Variants in SV2C observed in about 807,000 individuals in gnomAD.
SV2C encodes the protein synaptic vesicle glycoprotein 2C, also known as solute carrier family 22 member B3.
A neutral mutation model predicts 79.7 loss-of-function variants in SV2C; 49 were observed. The ratio of observed to expected loss-of-function variants is 0.61; its 90% CI spans 0.49 to 0.78. SV2C has a LOEUF of 0.78. SV2C is among the 30% of genes least tolerant of loss of function. The pLI, the probability that SV2C is intolerant of heterozygous loss-of-function variation, is 0.00. For synonymous variants in SV2C, 334 were observed against 333.2 expected, an observed-to-expected ratio of 1.00 and a Z score of -0.03; for missense variants, 833 against 912.9, an observed-to-expected ratio of 0.91 and a Z score of 1.13.
At chr5:76,231,058 G>A (rs1745403670) in intron 4 of SV2C, among the ~76,000 whole-genome samples, 1 of 152,194 alleles carries the variant, frequency 6.6e-6, no homozygotes, top group Admixed American at 6.5e-5. Context: ...CCCAGTGCAG[G>A]AACCTGCAGG....
intron 1 of SV2C, among the ~76,000 whole-genome samples, chr5:76,101,780 C>A (rs1244265880): frequency 6.6e-6 from 1 of 152,094 alleles, no homozygotes; most frequent in Non-Finnish European, 1.5e-5. Context: ...ATATGTTTCT[C>A]CTATTGGCAC....
the SV2C span, among the ~76,000 whole-genome samples, chr5:76,011,885 T>A: frequency 3.5e-3 from 533 of 152,284 alleles, 7 homozygotes; most frequent in African/African-American, 0.012. Context: ...CTTGTGTTAG[T>A]TTGTTGAGAA....
At chr5:75,887,895 C>A in the SV2C span, among the ~76,000 whole-genome samples, 1 of 151,980 alleles carries the variant, frequency 6.6e-6, no homozygotes, top group African/African-American at 2.4e-5. Context: ...TTTAAAATAC[C>A]CCTTTGAAAT....
At chr5:76,066,589 G>C in the SV2C span, among the ~76,000 whole-genome samples, 1 of 151,260 alleles carries the variant, frequency 6.6e-6, no homozygotes, top group Non-Finnish European at 1.5e-5. Flanking sequence ...ATGTACCCTA[G>C]AACTTAAAGC....
chr5:75,982,489 A>G, the SV2C span, among the ~76,000 whole-genome samples: 1 of 152,238 alleles, frequency 6.6e-6, no homozygotes, highest in Non-Finnish European at 1.5e-5. Context: ...TTGTGGAGAA[A>G]AAGGAATGCT....
At chr5:76,252,487 C>G (rs1384507392) in intron 4 of SV2C, among the ~76,000 whole-genome samples, 1 of 152,212 alleles carries the variant, frequency 6.6e-6, no homozygotes, top group Non-Finnish European at 1.5e-5. Flanking sequence ...TTTCCTTAAA[C>G]TGATCTCCCT....
At chr5:76,029,561 C>CA in the SV2C span, among the ~76,000 whole-genome samples, 1 of 152,092 alleles carries the variant, frequency 6.6e-6, no homozygotes, top group East Asian at 1.9e-4. Context: ...GTATTTGAGG[C>CA]AAAAATTCAG....
the SV2C span, among the ~76,000 whole-genome samples, chr5:76,064,140 C>T: frequency 6.6e-6 from 1 of 152,176 alleles, no homozygotes; most frequent in Non-Finnish European, 1.5e-5. Context: ...ATAATAAGCC[C>T]TCGCTGCTGC....
intron 2 of SV2C, among the ~76,000 whole-genome samples, chr5:76,183,662 C>T (rs111866636): frequency 2.1e-4 from 32 of 152,190 alleles, no homozygotes; most frequent in Non-Finnish European, 1.5e-4. Flanking sequence ...TTCCTCCAGC[C>T]TTCTCTCTTG....
intron 4 of SV2C, among the ~76,000 whole-genome samples, chr5:76,224,179 A>AT (rs1745174184): frequency 6.6e-6 from 1 of 152,020 alleles, no homozygotes; most frequent in Admixed American, 6.6e-5. Flanking sequence ...AGGCACTGGG[A>AT]TTTTTTGGGG....
intron 2 of SV2C, chr5:76,173,599 C>T (rs1276081840): frequency 6.3e-7 from 1 of 1,595,078 alleles, no homozygotes; most frequent in South Asian, 1.1e-5. Flanking sequence ...TTCTTCAGAC[C>T]TGGCTCAGAG....
chr5:75,917,581 G>A, the SV2C span, among the ~76,000 whole-genome samples: 1 of 152,060 alleles, frequency 6.6e-6, no homozygotes, highest in Non-Finnish European at 1.5e-5. Context: ...GCAAATATTA[G>A]GTGTTCTCAT....
intron 4 of SV2C, among the ~76,000 whole-genome samples, chr5:76,269,022 A>T (rs1272239418): frequency 6.6e-6 from 1 of 152,168 alleles, no homozygotes; most frequent in African/African-American, 2.4e-5. Context: ...TTGGTCTATT[A>T]CCTGTGAGTA....
intron 4 of SV2C, among the ~76,000 whole-genome samples, chr5:76,275,723 C>T (rs888122907): frequency 6.6e-6 from 1 of 152,174 alleles, no homozygotes; most frequent in Admixed American, 6.5e-5. Context: ...TGGTAAAAAG[C>T]TTTGATTATT....
the SV2C span, among the ~76,000 whole-genome samples, chr5:75,980,971 C>G: frequency 1.3e-5 from 2 of 152,178 alleles, no homozygotes; most frequent in African/African-American, 4.8e-5. Context: ...GCCCCATACT[C>G]TCAGCCCAAA....
intron 4 of SV2C, among the ~76,000 whole-genome samples, chr5:76,253,708 G>GAAAA (rs11390195): frequency 1.9e-4 from 22 of 118,200 alleles, no homozygotes; most frequent in African/African-American, 6.1e-4. Context: ...CCTCCCTAAG[G>GAAAA]AAAAAAAAAA....
chr5:76,271,007 G>A (rs561720525), intron 4 of SV2C, among the ~76,000 whole-genome samples: 1 of 152,244 alleles, frequency 6.6e-6, no homozygotes, highest in South Asian at 2.1e-4. Context: ...GACCTCAGGT[G>A]ATCTGCCTGC....
the SV2C span, among the ~76,000 whole-genome samples, chr5:76,046,194 T>A: frequency 2.0e-5 from 3 of 152,196 alleles, no homozygotes; most frequent in Admixed American, 1.3e-4. Flanking sequence ...AATAATCCTA[T>A]CCTGTAATTG....
chr5:76,076,428 CT>C, the SV2C span, among the ~76,000 whole-genome samples: 1 of 152,192 alleles, frequency 6.6e-6, no homozygotes, highest in Non-Finnish European at 1.5e-5. Context: ...CTAAAGAAGT[CT>C]TTCTTCAGGA....
Sources: gnomAD v4.1 joint callset for allele counts (sites outside exome capture counted in the v4.1 genomes callset) on GRCh38, gnomAD v4.1.1 for gene constraint, MANE v1.5 for transcripts, NCBI Gene and HGNC (gene_info 2026-07-23, HGNC 2026-07-21) for gene names.